PCBD2: variants seen among roughly 807,000 people sequenced by gnomAD.
PCBD2 encodes the protein pterin-4-alpha-carbinolamine dehydratase 2.
Under a neutral mutation model 16.4 loss-of-function variants are expected in PCBD2, and 12 were observed. The ratio of observed to expected loss-of-function variants is 0.73; its 90% CI spans 0.47 to 1.19. The LOEUF (loss-of-function observed/expected upper bound fraction) is 1.19. PCBD2 is among the 50% of genes most tolerant of loss of function. The pLI is 0.00. For synonymous variants in PCBD2, 58 were observed against 61.8 expected, an observed-to-expected ratio of 0.94 and a Z score of 0.29; for missense variants, 138 against 156.8, an observed-to-expected ratio of 0.88 and a Z score of 0.64.
intron 2 of PCBD2, among the ~76,000 whole-genome samples, chr5:134,956,651 A>G (rs1751418509): frequency 6.6e-6 from 1 of 152,168 alleles, no homozygotes; most frequent in South Asian, 2.1e-4. Flanking sequence ...TTACCCCACA[A>G]TGTATTATCT....
chr5:134,909,895 T>C (rs1226307749), intron 1 of PCBD2, among the ~76,000 whole-genome samples: 2 of 152,014 alleles, frequency 1.3e-5, no homozygotes, highest in Admixed American at 6.6e-5. Flanking sequence ...ATGGTGAAAA[T>C]CCCTCTCTAC....
chr5:134,946,668 A>G (rs1350777444), intron 2 of PCBD2, among the ~76,000 whole-genome samples: 1 of 152,228 alleles, frequency 6.6e-6, no homozygotes, highest in African/African-American at 2.4e-5. Context: ...ACTCTATTTT[A>G]CAAAATGTGT....
At chr5:134,926,733 G>A in intron 2 of PCBD2, 3 of 397,476 alleles carry the variant, frequency 7.5e-6, no homozygotes. Flanking sequence ...GAACATGAGA[G>A]TGTTTTCTCG....
At chr5:134,926,216 G>A (rs1561909812) in intron 2 of PCBD2, 4 of 324,198 alleles carry the variant, frequency 1.2e-5, no homozygotes, top group Non-Finnish European at 2.2e-5. Context: ...AAATAATCTA[G>A]TTTGAAGCTT....
chr5:134,955,154 A>G (rs1181103932), intron 2 of PCBD2, among the ~76,000 whole-genome samples: 1 of 151,890 alleles, frequency 6.6e-6, no homozygotes, highest in African/African-American at 2.4e-5. Flanking sequence ...TATGATTGAA[A>G]TATTACAATT....
intron 2 of PCBD2, among the ~76,000 whole-genome samples, chr5:134,945,995 G>A (rs1751291339): frequency 6.6e-6 from 1 of 151,818 alleles, no homozygotes; most frequent in African/African-American, 2.4e-5. Context: ...TAGGGTTTAA[G>A]TGCTAAGCTT....
intron 2 of PCBD2, 138 bp from the exon 3 acceptor site, chr5:134,958,902 A>G (rs552861112): frequency 1.6e-5 from 10 of 632,804 alleles, no homozygotes; most frequent in Non-Finnish European, 2.8e-5. Flanking sequence ...TGCAGAGAGC[A>G]GTCCTTTCAT....
chr5:134,927,769 A>G (rs1751032572), intron 2 of PCBD2: 1 of 394,610 alleles, frequency 2.5e-6, no homozygotes, highest in Non-Finnish European at 4.5e-6. Context: ...TTTTTTCGTG[A>G]TAGTGGTTCA....
intron 1 of PCBD2, among the ~76,000 whole-genome samples, chr5:134,906,531 T>C (rs1322005105): frequency 6.6e-6 from 1 of 152,156 alleles, no homozygotes; most frequent in Non-Finnish European, 1.5e-5. Flanking sequence ...CCGCCGCTTC[T>C]TGTCCACGAA....
chr5:134,930,984 C>T lies in PCBD2; in HGVS notation c.216+20518C>T, dbSNP rs534827124. ...CCACGCTGGAATGCAGTGGCATGAT[C>T]GTGGCTCACTGCAACCTTCACCTCC... On this transcript the variant is annotated intron_variant, in intron 2 of 3. Transcript: ENST00000254908. Among the ~76,000 whole-genome samples, 23 of 152,246 alleles carry T rather than the reference C, an allele frequency of 1.5e-4. No homozygotes were observed. The South Asian group carries it at 2.7e-3, about 18-fold the overall frequency.
chr5:134,927,413 A>T (rs17165402), intron 2 of PCBD2: 12 of 397,970 alleles, frequency 3.0e-5, no homozygotes, highest in Non-Finnish European at 5.3e-5. Flanking sequence ...GACCGTAAAG[A>T]GGTATTTTTA....
At position 134,905,169 on chromosome 5, in the gene PCBD2, G is replaced by C; in HGVS notation, c.30G>C (p.Ala10=). 8.2e-7 allele frequency: 1 copy of C among 1,223,284 alleles called. No individual in the cohort carries two copies. Among genetic ancestry groups the C allele is most frequent in the Non-Finnish European group, 1.0e-6 (1 of 982,708 alleles). 75.8% of individuals were successfully genotyped at this position (1,223,284 alleles called of 1,614,324 possible). A position where few individuals can be genotyped will look rare whatever the true frequency, so the allele number is the denominator to read the frequency against. Residue 10 remains alanine, a synonymous_variant, in exon 1 of 4, where the codon GCG becomes GCC. Transcript: ENST00000254908. MAAVLGALG[A]TRRLLAALRG... Reference sequence around the variant, plus strand: ...CGGCGGTGCTCGGGGCGCTCGGGGCGACGCGGCGCTTGTTGGCGGCGCTGC... The same window carrying C: ...CGGCGGTGCTCGGGGCGCTCGGGGCCACGCGGCGCTTGTTGGCGGCGCTGC...
chr5:134,915,112 C>T (rs927344962), intron 2 of PCBD2, among the ~76,000 whole-genome samples: 10 of 152,154 alleles, frequency 6.6e-5, no homozygotes, highest in East Asian at 3.9e-4. Context: ...GTCAGGAGTT[C>T]GAGACCAGCC....
intron 2 of PCBD2, among the ~76,000 whole-genome samples, chr5:134,952,425 C>T (rs1217182226): frequency 6.6e-6 from 1 of 152,098 alleles, no homozygotes; most frequent in African/African-American, 2.4e-5. Flanking sequence ...GTGTTATTCT[C>T]AGTTTTTAGA....
intron 2 of PCBD2, among the ~76,000 whole-genome samples, chr5:134,915,140 C>A (rs938919196): frequency 7.9e-5 from 12 of 151,984 alleles, no homozygotes; most frequent in Non-Finnish European, 1.0e-4. Context: ...CCTGGTGAAA[C>A]CCTGTCTCTA....
Position 134,931,843 on chromosome 5 carries a change from A to G in PCBD2, c.216+21377A>G, listed in dbSNP as rs529310466. ...CTTAAAGGAGGCGTATGTTATTTGCATGTTTTGAAGAAAAAGATTGCCAGC... is the reference window on the plus strand; with the variant it reads ...CTTAAAGGAGGCGTATGTTATTTGCGTGTTTTGAAGAAAAAGATTGCCAGC... On this transcript the variant is annotated intron_variant, in intron 2 of 3. Coordinates refer to ENST00000254908, the MANE Select transcript of PCBD2 (RefSeq NM_032151.5). Among the ~76,000 whole-genome samples the G allele has an allele frequency of 6.6e-4, 100 of 152,320 alleles. 1 individual carries two copies. In the South Asian group the frequency reaches 9.9e-3, roughly 15 times the overall value.
At chr5:134,926,924 G>T (rs572718422) in intron 2 of PCBD2, 196 of 398,110 alleles carry the variant, frequency 4.9e-4, no homozygotes, top group African/African-American at 3.7e-3. Context: ...GGTTAATAGT[G>T]GGGGGTAAGG....
chr5:134,939,472 T>G (rs1751199027), intron 2 of PCBD2, among the ~76,000 whole-genome samples: 1 of 152,014 alleles, frequency 6.6e-6, no homozygotes, highest in Non-Finnish European at 1.5e-5. Flanking sequence ...TTTAGGGAAA[T>G]CGGAAGCAGT....
At chr5:134,918,526 A>T (rs1424466668) in intron 2 of PCBD2, among the ~76,000 whole-genome samples, 3 of 152,116 alleles carry the variant, frequency 2.0e-5, no homozygotes, top group East Asian at 1.9e-4. Flanking sequence ...AATAAAAATT[A>T]AAAAATGTCG....
Sources: allele counts gnomAD v4.1 joint callset (sites outside exome capture counted in the v4.1 genomes callset), GRCh38; gene constraint gnomAD v4.1.1; transcripts MANE v1.5; gene names NCBI Gene and HGNC (gene_info 2026-07-23, HGNC 2026-07-21).